Variants in TMEM223 observed in about 807,000 individuals in gnomAD.
TMEM223 encodes transmembrane protein 223.
Under a neutral mutation model 14.1 loss-of-function variants are expected in TMEM223, and 14 were observed. That is an observed-to-expected ratio of 0.99 (90% CI 0.66 to 1.55). The LOEUF is 1.55. TMEM223 is among the 40% of genes most tolerant of loss of function. The pLI is 0.00. For missense variants in TMEM223, 346 were observed against 269.9 expected (o/e 1.28, Z -1.97); for synonymous variants, 145 against 120.5 (o/e 1.20, Z -1.33).
Position 62,790,056 on chromosome 11 carries a change from C to T in TMEM223, c.*567G>A, listed in dbSNP as rs1228137040. 2.5e-6 allele frequency: 4 copies of T among 1,598,488 alleles called. No individual in the cohort carries two copies. The highest frequency in any genetic ancestry group is 2.6e-6 in the Non-Finnish European group (3 of 1,171,488). On this transcript the variant is annotated 3_prime_UTR_variant, in exon 2 of 2. Transcript: ENST00000307366. ...GCCTTTCCCATTCCTGAAGAATAAG[C>T]GGAGTGCTTCCTGCAGCCGAAGACT...
At chr11:62,787,388 G>A, downstream of TMEM223, 1 of 1,555,100 alleles carries the variant, frequency 6.4e-7, no homozygotes, top group African/African-American at 1.4e-5. Flanking sequence ...GTGGGCTTTG[G>A]GCGGGGTGCT....
chr11:62,790,146 C>G lies in TMEM223; in HGVS notation c.*477G>C. The stretch of plus-strand genomic sequence containing the variant: ...GTTTATGTTGGGAGTCTTAGTTTTC[C>G]TTTCGTTGGGGGGTGGGGGGGAAAC... On this transcript the variant is annotated 3_prime_UTR_variant, in exon 2 of 2. Coordinates refer to ENST00000307366, the MANE Select transcript of TMEM223 (RefSeq NM_001080501.3). The G allele has an allele frequency of 2.6e-6, 3 of 1,160,218 alleles. No homozygotes were observed. Among genetic ancestry groups the G allele is most frequent in the Non-Finnish European group, 3.5e-6 (3 of 856,476 alleles). The allele number at this position is 1,160,218 out of a possible 1,614,324, so 71.9% of individuals were successfully genotyped here. A position where few individuals can be genotyped will look rare whatever the true frequency, so the allele number is the denominator to read the frequency against.
downstream of TMEM223, among the ~76,000 whole-genome samples, chr11:62,785,532 T>C (rs2134725565): frequency 6.8e-6 from 1 of 146,974 alleles, no homozygotes; most frequent in East Asian, 2.1e-4. Context: ...TTCCTTATAG[T>C]TAATTCTTTT....
chr11:62,789,715 A>C (rs564724681), downstream of TMEM223: 1 of 1,524,144 alleles, frequency 6.6e-7, no homozygotes, highest in Admixed American at 2.2e-5. Flanking sequence ...ACTGACATAA[A>C]TATCTGTAGC....
chr11:62,789,481 G>A (rs1197844829), downstream of TMEM223: 16 of 1,610,804 alleles, frequency 9.9e-6, no homozygotes, highest in South Asian at 8.8e-5. Context: ...CCTCTGCAGC[G>A]GGGTCCTATA....
intron 1 of TMEM223, chr11:62,782,315 T>A (rs1440085729): frequency 6.2e-7 from 1 of 1,613,784 alleles, no homozygotes; most frequent in Non-Finnish European, 8.5e-7. Context: ...GCTGCCCTCC[T>A]GCTCAGCCAC....
downstream of TMEM223, chr11:62,786,840 C>G (rs1050954328): frequency 6.2e-7 from 1 of 1,600,178 alleles, no homozygotes; most frequent in Non-Finnish European, 8.5e-7. Flanking sequence ...CGCCCGGGGA[C>G]AAGAAGGAGC....
chr11:62,789,746 T>C, downstream of TMEM223: 2 of 1,502,692 alleles, frequency 1.3e-6, no homozygotes, highest in Non-Finnish European at 1.8e-6. Flanking sequence ...CTCACCAGTG[T>C]ATTGTGAGCT....
intron 1 of TMEM223, chr11:62,778,382 T>G (rs746840412): frequency 6.2e-7 from 1 of 1,609,896 alleles, no homozygotes; most frequent in East Asian, 2.2e-5. Flanking sequence ...ATTTTCTCCC[T>G]TAGGTTCTGA....
chr11:62,782,055 A>G, intron 1 of TMEM223: 3 of 1,590,876 alleles, frequency 1.9e-6, no homozygotes, highest in East Asian at 2.2e-5. Flanking sequence ...TGCTGTCAGA[A>G]TGGTGGGCTC....
At chr11:62,781,912 C>A in intron 1 of TMEM223, 1 of 1,614,146 alleles carries the variant, frequency 6.2e-7, no homozygotes, top group Non-Finnish European at 8.5e-7. Context: ...CCAGGACTTG[C>A]AGACGAACTC....
chr11:62,791,670 A>G lies in TMEM223; in HGVS notation c.316+9T>C. ...CGTTGTCACAGTGGGAAGCCAGCCC[A>G]CGTCTTACCGATGGCGCCGCAGCCG... On this transcript the variant is annotated intron_variant, in intron 1 of 1. Transcript: ENST00000307366. 6.6e-7 allele frequency: 1 copy of G among 1,523,504 alleles called. No homozygotes were observed. Among genetic ancestry groups the G allele is most frequent in the Non-Finnish European group, 8.8e-7 (1 of 1,135,386 alleles). 94.4% of individuals were successfully genotyped at this position (1,523,504 alleles called of 1,614,324 possible). A position where few individuals can be genotyped will look rare whatever the true frequency, so the allele number is the denominator to read the frequency against.
intron 1 of TMEM223, chr11:62,775,755 C>T: frequency 6.3e-7 from 1 of 1,589,206 alleles, no homozygotes; most frequent in East Asian, 2.2e-5. Context: ...TTCCAGTCTT[C>T]ATTCTCCACT....
At chr11:62,787,020 C>T (rs1031517270), downstream of TMEM223, 230 of 1,492,042 alleles carry the variant, frequency 1.5e-4, 1 homozygote, top group African/African-American at 2.3e-4. Flanking sequence ...ATCGGGCGCG[C>T]GGGGCACCCC....
intron 1 of TMEM223, among the ~76,000 whole-genome samples, chr11:62,791,337 A>T (rs956978358): frequency 1.3e-5 from 2 of 152,052 alleles, no homozygotes; most frequent in African/African-American, 4.8e-5. Context: ...GGCTCACTGC[A>T]ACCTCCGCCT....
intron 1 of TMEM223, among the ~76,000 whole-genome samples, chr11:62,775,484 G>A (rs1050379932): frequency 3.9e-5 from 6 of 152,250 alleles, no homozygotes; most frequent in African/African-American, 1.4e-4. Flanking sequence ...CAAGGGCTCA[G>A]ACTGATGAAG....
downstream of TMEM223, chr11:62,786,018 G>C (rs202203837): frequency 7.1e-6 from 3 of 424,732 alleles, no homozygotes; most frequent in East Asian, 1.2e-4. Context: ...TAGCACACAG[G>C]GCAGTGATAT....
downstream of TMEM223, chr11:62,786,971 G>A: frequency 6.9e-7 from 1 of 1,447,808 alleles, no homozygotes; most frequent in Non-Finnish European, 9.0e-7. Flanking sequence ...TCGGCCTCTG[G>A]GCCCGCCGCC....
downstream of TMEM223, chr11:62,787,050 C>T (rs551295867): frequency 6.6e-7 from 1 of 1,522,462 alleles, no homozygotes; most frequent in Admixed American, 2.0e-5. Context: ...GCCCCGGGAC[C>T]GGCACCCGCG....
Sources: gnomAD v4.1 joint callset for allele counts (sites outside exome capture counted in the v4.1 genomes callset) on GRCh38, gnomAD v4.1.1 for gene constraint, MANE v1.5 for transcripts, NCBI Gene and HGNC (gene_info 2026-07-23, HGNC 2026-07-21) for gene names.